The following DOC2B variants were observed in gnomAD, a reference collection of about 807,000 sequenced individuals.
DOC2B encodes double C2-like domain-containing protein beta.
In DOC2B, 21 loss-of-function variants were observed where a neutral mutation model predicts 28.9. The observed-to-expected ratio is 0.73, with a 90% confidence interval of 0.52 to 1.05. The LOEUF (loss-of-function observed/expected upper bound fraction) is 1.05. Among genes scored for constraint, DOC2B ranks in the 50% least tolerant of loss-of-function variants. The pLI is 0.00. For synonymous variants in DOC2B, 194 were observed against 178.1 expected, an observed-to-expected ratio of 1.09 and a Z score of -0.71; for missense variants, 384 against 421.1, an observed-to-expected ratio of 0.91 and a Z score of 0.77.
At chr17:152,036 C>T (rs1345397598) in intron 6 of DOC2B, among the ~76,000 whole-genome samples, 2 of 152,234 alleles carry the variant, frequency 1.3e-5, no homozygotes, top group African/African-American at 2.4e-5. Context: ...CGCCCTGTGG[C>T]GTCTCTCCCT....
chr17:161,602 G>A (rs2151466421), intron 4 of DOC2B, 61 bp from the exon 5 acceptor site: 2 of 1,545,462 alleles, frequency 1.3e-6, no homozygotes, highest in Admixed American at 2.0e-5. Flanking sequence ...CATGGTGGAG[G>A]TGTGCGCAGG....
intron 5 of DOC2B, among the ~76,000 whole-genome samples, chr17:158,699 T>C (rs563277384): frequency 1.9e-4 from 29 of 152,344 alleles, no homozygotes; most frequent in African/African-American, 7.0e-4. Context: ...GTGAGGGCCT[T>C]GATGCCCTGT....
At chr17:157,292 G>A (rs1555522693) in intron 5 of DOC2B, among the ~76,000 whole-genome samples, 1 of 152,192 alleles carries the variant, frequency 6.6e-6, no homozygotes, top group African/African-American at 2.4e-5. Flanking sequence ...GTTCACCGTT[G>A]ATAAATTCCT....
chr17:166,395 G>T (rs2040265027), intron 2 of DOC2B, among the ~76,000 whole-genome samples: 1 of 152,264 alleles, frequency 6.6e-6, no homozygotes, highest in Non-Finnish European at 1.5e-5. Flanking sequence ...TGCTAGTGGG[G>T]CCCTTGGGCA....
intron 2 of DOC2B, among the ~76,000 whole-genome samples, chr17:164,562 G>T (rs943890560): frequency 6.6e-6 from 1 of 152,062 alleles, no homozygotes; most frequent in Non-Finnish European, 1.5e-5. Context: ...TCTACCAAGC[G>T]TGGCCTCCTG....
chr17:173,780 C>A (rs1053082887), intron 1 of DOC2B, among the ~76,000 whole-genome samples: 7 of 152,270 alleles, frequency 4.6e-5, no homozygotes, highest in Admixed American at 3.9e-4. Flanking sequence ...CACAGGCCAA[C>A]CAGCAGGTAC....
intron 1 of DOC2B, among the ~76,000 whole-genome samples, chr17:176,700 A>G (rs1050058673): frequency 2.6e-5 from 4 of 152,164 alleles, no homozygotes; most frequent in Admixed American, 6.5e-5. Flanking sequence ...GGGCGTGAGG[A>G]GGGCCCTAAG....
chr17:153,072 G>T (rs555472791), intron 6 of DOC2B, among the ~76,000 whole-genome samples: 1 of 152,316 alleles, frequency 6.6e-6, no homozygotes, highest in Admixed American at 6.5e-5. Flanking sequence ...CTCACCCAGG[G>T]TGTCTGAAAC....
In DOC2B at chr17:147,750, C is replaced by T. The variant is rs962356359; in HGVS notation, c.1103-173G>A. 3.1e-3 allele frequency among the ~76,000 whole-genome samples: 478 copies of T among 152,356 alleles called. 4 individuals carry two copies. Among genetic ancestry groups the T allele is most frequent in the African/African-American group, 0.011 (456 of 41,584 alleles). On this transcript the variant is annotated intron_variant, in intron 8 of 8. Transcript: ENST00000613549. The stretch of plus-strand genomic sequence containing the variant: ...GCCACACTCTGGCCCCGTCAGGGCC[C>T]AGCCATCCTGTCTCTCTTCCACCAG...
rs561514593 is a variant in DOC2B, at chr17:169,465, T to C, written c.453+3072A>G. ...GAAGGTAGAAGGTACTTAGCACAAC[T>C]GAACTGTACGCTAAAAATGGTTGAG... On this transcript the variant is annotated intron_variant, in intron 2 of 8. Coordinates refer to ENST00000613549, the MANE Select transcript of DOC2B (RefSeq NM_003585.5). Among the ~76,000 whole-genome samples, 9 of 151,882 alleles carry C rather than the reference T, an allele frequency of 5.9e-5. No individual in the cohort carries two copies. The South Asian group carries it at 1.9e-3, about 32-fold the overall frequency.
chr17:156,279 C>T lies in DOC2B; in HGVS notation c.864G>A (p.Val288=). The T allele has an allele frequency of 6.4e-7, 1 of 1,551,752 alleles. No homozygotes were observed. Residue 288 remains valine (V), a synonymous_variant, in exon 6 of 9, where the codon GTG becomes GTA. Coordinates refer to ENST00000613549, the MANE Select transcript of DOC2B (RefSeq NM_003585.5). ...CCATGGCGGCCAGGTGGGCGCACCG[C>T]ACGATGCCTACCAGCAGGCCTTGCT... The part of the protein sequence containing the change: ...SQKQGLLVGI[V]RCAHLAAMDA...
At chr17:173,977 C>A (rs558088495) in intron 1 of DOC2B, among the ~76,000 whole-genome samples, 10 of 152,320 alleles carry the variant, frequency 6.6e-5, no homozygotes, top group Non-Finnish European at 1.2e-4. Context: ...ACGGCCTGCA[C>A]AGCTGAAAAT....
intron 6 of DOC2B, among the ~76,000 whole-genome samples, chr17:150,256 G>A (rs1884718075): frequency 6.6e-6 from 1 of 152,148 alleles, no homozygotes; most frequent in Admixed American, 6.5e-5. Flanking sequence ...CAATTGCCTT[G>A]TCCCTGCTGA....
At chr17:178,000 T>G (rs2040390242) in intron 1 of DOC2B, among the ~76,000 whole-genome samples, 1 of 152,244 alleles carries the variant, frequency 6.6e-6, no homozygotes, top group Non-Finnish European at 1.5e-5. Context: ...ACAGGTCTCC[T>G]GGGGACTTCT....
At chr17:176,215 A>G (rs2040368200) in intron 1 of DOC2B, among the ~76,000 whole-genome samples, 1 of 150,198 alleles carries the variant, frequency 6.7e-6, no homozygotes, top group Non-Finnish European at 1.5e-5. Context: ...TTTTTTTGAG[A>G]CAGGGTCTTG....
In DOC2B at chr17:147,201, CACCGGCCTCTTGGGCCCCA is replaced by C; in HGVS notation, c.*221_*239del. ...GGCAGGTGCTGAGGTCTCTTTCCAC[CACCGGCCTCTTGGGCCCCA>C]GAGAGCTGAGAGCCCCCCACCCCAG... On this transcript the variant is annotated 3_prime_UTR_variant, in exon 9 of 9. Transcript: ENST00000613549. 2 of 382,296 alleles carry C rather than the reference CACCGGCCTCTTGGGCCCCA, an allele frequency of 5.2e-6. No homozygotes were observed. The highest frequency in any genetic ancestry group is 9.3e-6 in the Non-Finnish European group (2 of 216,132). 23.7% of individuals were successfully genotyped at this position (382,296 alleles called of 1,614,324 possible).
chr17:162,332 T>A, intron 3 of DOC2B, 142 bp from the exon 4 acceptor site: 1 of 677,188 alleles, frequency 1.5e-6, no homozygotes, highest in South Asian at 1.7e-5. Context: ...GCAGGTGGAC[T>A]TAGGGTTGGT....
intron 1 of DOC2B, among the ~76,000 whole-genome samples, chr17:177,378 G>T (rs1384847656): frequency 6.6e-6 from 1 of 152,200 alleles, no homozygotes; most frequent in African/African-American, 2.4e-5. Context: ...CTCCTCATAG[G>T]TCTCTTCCCC....
At chr17:154,417 T>C (rs1168774532) in intron 6 of DOC2B, among the ~76,000 whole-genome samples, 1 of 151,480 alleles carries the variant, frequency 6.6e-6, no homozygotes, top group Non-Finnish European at 1.5e-5. Context: ...CCTGCTACAC[T>C]CCTTCTTATG....
Sources: allele counts gnomAD v4.1 joint callset (sites outside exome capture counted in the v4.1 genomes callset), GRCh38; gene constraint gnomAD v4.1.1; transcripts MANE v1.5; gene names NCBI Gene and HGNC (gene_info 2026-07-23, HGNC 2026-07-21).